The following PDE9A variants were observed in gnomAD, a reference collection of about 807,000 sequenced individuals.
PDE9A encodes the protein phosphodiesterase 9A, also known as high affinity cGMP-specific 3',5'-cyclic phosphodiesterase 9A.
In PDE9A, 60 loss-of-function variants were observed where a neutral mutation model predicts 87.4. The ratio of observed to expected loss-of-function variants is 0.69; its 90% CI spans 0.56 to 0.85. The LOEUF (loss-of-function observed/expected upper bound fraction) is 0.85, where lower values mean the gene tolerates loss of function less well. PDE9A is among the 40% of genes least tolerant of loss of function. The probability of loss-of-function intolerance (pLI) is 0.00; values close to 1 mark genes in which losing one functional copy is unlikely to be tolerated. For synonymous variants in PDE9A, 272 were observed against 279.4 expected (o/e 0.97, Z 0.27); for missense variants, 665 against 779.0 (o/e 0.85, Z 1.74).
intron 8 of PDE9A, among the ~76,000 whole-genome samples, chr21:42,746,091 G>C (rs141353642): frequency 6.6e-6 from 1 of 152,344 alleles, no homozygotes; most frequent in East Asian, 1.9e-4. Flanking sequence ...GCAGGAGTGA[G>C]TGGTGAGACA....
intron 6 of PDE9A, 82 bp downstream of exon 6, chr21:42,732,206 G>T (rs1569215304): frequency 6.6e-6 from 9 of 1,371,422 alleles, no homozygotes; most frequent in Non-Finnish European, 9.2e-6. Context: ...AGGCTCTGAG[G>T]CTGGCCTTGG....
chr21:42,736,255 G>A lies in PDE9A; in HGVS notation c.568+2829G>A, dbSNP rs533088557. ...CAGAGAATTATGTCGCCCACAACAA[G>A]ATGAATAGTAACCCTGTGTGTCTTT... On this transcript the variant is annotated intron_variant, in intron 7 of 19. Coordinates refer to ENST00000291539, the MANE Select transcript of PDE9A (RefSeq NM_002606.3). Among the ~76,000 whole-genome samples, 6 of 152,278 alleles carry A rather than the reference G, an allele frequency of 3.9e-5. No individual in the cohort carries two copies. The East Asian group carries it at 1.2e-3, about 29-fold the overall frequency.
intron 1 of PDE9A, among the ~76,000 whole-genome samples, chr21:42,657,638 G>C (rs2057179845): frequency 1.3e-5 from 2 of 152,340 alleles, no homozygotes; most frequent in African/African-American, 2.4e-5. Context: ...GGTCCCACCT[G>C]GTGGCACATC....
intron 2 of PDE9A, among the ~76,000 whole-genome samples, chr21:42,686,853 C>T (rs991517179): frequency 5.9e-5 from 9 of 151,840 alleles, no homozygotes; most frequent in Admixed American, 1.3e-4. Context: ...TGGGTTTTTT[C>T]CTCTCACTTC....
In PDE9A at chr21:42,704,201, C is replaced by A. The variant is rs886865491; in HGVS notation, c.262+5190C>A. Among the ~76,000 whole-genome samples, 12 of 152,272 alleles carry A rather than the reference C, an allele frequency of 7.9e-5. No homozygotes were observed. The South Asian group carries it at 2.1e-3, about 26-fold the overall frequency. On this transcript the variant is annotated intron_variant, in intron 4 of 19. Coordinates refer to ENST00000291539, the MANE Select transcript of PDE9A (RefSeq NM_002606.3). This position sits in a 1 kb window ranked among gnomAD's most constrained non-coding sequence, Gnocchi z 5.3. ...AGGCTGGGTGTCCCTCCGGGCCAGC[C>A]GAGGAGCGCTGCGCTTATTCCGCAG...
intron 8 of PDE9A, among the ~76,000 whole-genome samples, chr21:42,748,095 C>T (rs1302357095): frequency 1.3e-5 from 2 of 152,218 alleles, no homozygotes; most frequent in African/African-American, 4.8e-5. Context: ...AACTGTCTTG[C>T]TCGGTGAAGA....
chr21:42,705,779 T>C lies in PDE9A; in HGVS notation c.262+6768T>C, dbSNP rs376954120. ...CAACTAGGACAGTGCTGTAGGGGTC[T>C]GGTTCTGCTTGTTCTCCCCCACATT... On this transcript the variant is annotated intron_variant, in intron 4 of 19. Transcript: ENST00000291539. The surrounding 1 kb of genome is among the most constrained non-coding windows in gnomAD (Gnocchi z 4.3). Among the ~76,000 whole-genome samples, 19 of 152,260 alleles carry C rather than the reference T, an allele frequency of 1.2e-4. No homozygotes were observed. The South Asian group carries it at 1.9e-3, about 15-fold the overall frequency.
chr21:42,712,188 T>C (rs1377884482), intron 4 of PDE9A, among the ~76,000 whole-genome samples: 1 of 152,206 alleles, frequency 6.6e-6, no homozygotes, highest in East Asian at 1.9e-4. Context: ...CCTCCACTTA[T>C]TTAGGTCTCA....
chr21:42,710,675 G>T (rs2049249329), intron 4 of PDE9A, among the ~76,000 whole-genome samples: 1 of 152,108 alleles, frequency 6.6e-6, no homozygotes, highest in Non-Finnish European at 1.5e-5. Context: ...GTCATATTTT[G>T]TGTAGTGTCT....
At chr21:42,728,923 C>G (rs2051425334) in intron 4 of PDE9A, among the ~76,000 whole-genome samples, 1 of 151,040 alleles carries the variant, frequency 6.6e-6, no homozygotes, top group African/African-American at 2.4e-5. Flanking sequence ...TCACTTGAGC[C>G]CAGGAGGCGG....
chr21:42,674,136 G>A (rs1481052258), intron 1 of PDE9A, among the ~76,000 whole-genome samples: 2 of 152,022 alleles, frequency 1.3e-5, no homozygotes, highest in East Asian at 1.9e-4. Flanking sequence ...AGTCCCGGCC[G>A]GCCCCCTGCT....
In PDE9A at chr21:42,769,114, A is replaced by G. The variant is rs1243062792; in HGVS notation, c.1549A>G (p.Ile517Val). Residue 517 changes from isoleucine to valine, a missense_variant, in exon 17 of 20, where the codon ATC (isoleucine) becomes GTC (valine). Transcript: ENST00000291539. ...CAAGGCCACAGCCCAGATTGGGTTCATCAAGTTTGTCCTGATCCCAATGTT... is the reference window on the plus strand; with the variant it reads ...CAAGGCCACAGCCCAGATTGGGTTCGTCAAGTTTGTCCTGATCCCAATGTT... ...VTKATAQIGF[I>V]KFVLIPMFET... 1 of 1,614,004 alleles carries G rather than the reference A, an allele frequency of 6.2e-7. No individual in the cohort carries two copies. The highest frequency in any genetic ancestry group is 1.3e-5 in the African/African-American group (1 of 75,048).
In PDE9A at chr21:42,775,310, G is replaced by A; in HGVS notation, c.*17G>A. The A allele has an allele frequency of 8.7e-6, 14 of 1,609,958 alleles. No individual in the cohort carries two copies. The highest frequency in any genetic ancestry group is 1.2e-5 in the Non-Finnish European group (14 of 1,178,314). Reference sequence around the variant, plus strand: ...TGTGCCTGAGGAAAGCGGGGGGCGTGGCTGCAGTTCTGGACGGGCTGGCCG... The same window carrying A: ...TGTGCCTGAGGAAAGCGGGGGGCGTAGCTGCAGTTCTGGACGGGCTGGCCG... On this transcript the variant is annotated 3_prime_UTR_variant, in exon 20 of 20. Transcript: ENST00000291539.
intron 1 of PDE9A, among the ~76,000 whole-genome samples, chr21:42,658,466 G>A (rs1255625657): frequency 6.6e-6 from 1 of 152,226 alleles, no homozygotes. Context: ...GGTTAGCATG[G>A]TGGGGCCTTA....
At position 42,743,832 on chromosome 21, in the gene PDE9A, A is replaced by G; in HGVS notation, c.625A>G (p.Arg209Gly). The change falls in exon 8 of 20, where the codon AGG (arginine) becomes GGG (glycine). Residue 209 changes from arginine to glycine, a missense_variant. Arg to Gly is a moderately radical substitution (Grantham distance 125). Transcript: ENST00000291539. ...ATGCAAGAGTGACATTAAGAAGATG[A>G]GGGAGGAGCTGGCGGCCAGAAGCAG... The part of the protein sequence containing the change: ...EKCKSDIKKM[R>G]EELAARSSRT... 1 of 1,587,994 alleles carries G rather than the reference A, an allele frequency of 6.3e-7. No individual in the cohort carries two copies. The highest frequency in any genetic ancestry group is 8.6e-7 in the Non-Finnish European group (1 of 1,166,674).
chr21:42,755,858 C>T (rs753493477), intron 10 of PDE9A, among the ~76,000 whole-genome samples: 5 of 152,238 alleles, frequency 3.3e-5, no homozygotes, highest in African/African-American at 4.8e-5. Flanking sequence ...AGAGCCAAGC[C>T]AGGGGCCACT....
At chr21:42,665,210 T>G (rs1045715719) in intron 1 of PDE9A, among the ~76,000 whole-genome samples, 1 of 152,188 alleles carries the variant, frequency 6.6e-6, no homozygotes, top group Admixed American at 6.5e-5. Context: ...GCAAGCCTCC[T>G]CCCTGGAGTC....
chr21:42,754,239 CTT>C, intron 10 of PDE9A, among the ~76,000 whole-genome samples, 175 bp downstream of exon 10: 1 of 152,034 alleles, frequency 6.6e-6, no homozygotes, highest in East Asian at 1.9e-4. Flanking sequence ...CTAACTAACA[CTT>C]TATAGCAGGG....
chr21:42,740,831 G>A (rs918498201), intron 7 of PDE9A, among the ~76,000 whole-genome samples: 1 of 151,910 alleles, frequency 6.6e-6, no homozygotes, highest in Non-Finnish European at 1.5e-5. Flanking sequence ...GCTGGGAGTG[G>A]GCAGAAAGCC....
Sources: gnomAD v4.1 joint callset for allele counts (sites outside exome capture counted in the v4.1 genomes callset) on GRCh38, gnomAD v4.1.1 for gene constraint, Gnocchi (gnomAD v3.1) non-coding constraint, MANE v1.5 for transcripts, NCBI Gene and HGNC (gene_info 2026-07-23, HGNC 2026-07-21) for gene names.